The following TENM3 variants were observed in gnomAD, a reference collection of about 807,000 sequenced individuals.
TENM3 encodes teneurin-3.
In TENM3, 63 loss-of-function variants were observed where a neutral mutation model predicts 255.1. The ratio of observed to expected loss-of-function variants is 0.25; its 90% CI spans 0.20 to 0.30. TENM3 has a LOEUF of 0.30. TENM3 is among the 10% of genes least tolerant of loss of function. The probability of loss-of-function intolerance (pLI) is 1.00; values close to 1 mark genes in which losing one functional copy is unlikely to be tolerated. For missense variants in TENM3, 2,929 were observed against 3,461.1 expected (o/e 0.85, Z 3.86); for synonymous variants, 1,306 against 1,322.3 (o/e 0.99, Z 0.27).
chr4:181,577,209 A>ATTATATATTATATATATTATATATATATT, the TENM3 span, among the ~76,000 whole-genome samples: 2 of 129,324 alleles, frequency 1.5e-5, no homozygotes, highest in African/African-American at 5.9e-5. Context: ...ATATATATAT[A>ATTATATATTATATATATTATATATATATT]TTTTTTTTTT....
chr4:181,884,713 A>G, the TENM3 span, among the ~76,000 whole-genome samples: 1 of 152,180 alleles, frequency 6.6e-6, no homozygotes, highest in East Asian at 1.9e-4. Flanking sequence ...CAGTCTTTAG[A>G]TTTTTTTCCC....
the TENM3 span, among the ~76,000 whole-genome samples, chr4:181,897,506 A>T: frequency 6.6e-6 from 1 of 152,326 alleles, no homozygotes; most frequent in Non-Finnish European, 1.5e-5. Context: ...TCCATTTTTA[A>T]ACTTGGCATT....
the TENM3 span, among the ~76,000 whole-genome samples, chr4:181,512,982 A>G: frequency 1.3e-5 from 2 of 152,204 alleles, no homozygotes; most frequent in Non-Finnish European, 2.9e-5. Flanking sequence ...AGCAAAATGT[A>G]AGGAAACAAA....
rs1309214526 is a variant in TENM3 at position 182,512,929 on chromosome 4, TAAG to T, written c.512-87991_512-87989del. Among the ~76,000 whole-genome samples the T allele has an allele frequency of 3.3e-5, 5 of 152,208 alleles. No homozygotes were observed. The East Asian group carries it at 5.8e-4, about 18-fold the overall frequency. On this transcript the variant is annotated intron_variant, in intron 3 of 27. Transcript: ENST00000511685. ...TCTATACTGGTACTGTTTTAGCACA[TAAG>T]AAGTGTCAGTAAATATTGAATGAAT...
the TENM3 span, among the ~76,000 whole-genome samples, chr4:181,590,228 G>A: frequency 5.3e-5 from 8 of 152,152 alleles, no homozygotes; most frequent in African/African-American, 1.9e-4. Context: ...ACCACTCCAT[G>A]ACCTCATCAA....
chr4:182,174,485 C>G (rs1348481631), intron 1 of TENM3, among the ~76,000 whole-genome samples: 2 of 131,896 alleles, frequency 1.5e-5, no homozygotes, highest in African/African-American at 5.7e-5. Context: ...CTAAGGAAAG[C>G]TTCCTTAGCT....
chr4:182,250,072 A>G (rs1175511974), intron 1 of TENM3, among the ~76,000 whole-genome samples: 8 of 103,190 alleles, frequency 7.8e-5, no homozygotes, highest in East Asian at 2.5e-4. Context: ...TTTTTTTTTG[A>G]GACGGAGTCT....
the TENM3 span, among the ~76,000 whole-genome samples, chr4:181,464,780 G>A: frequency 4.6e-5 from 7 of 151,866 alleles, no homozygotes; most frequent in East Asian, 1.9e-4. Flanking sequence ...GTGAAGCCCC[G>A]TCTCTACAAA....
At chr4:182,550,171 A>T (rs1000555951) in intron 3 of TENM3, among the ~76,000 whole-genome samples, 2 of 152,244 alleles carry the variant, frequency 1.3e-5, no homozygotes, top group Admixed American at 6.5e-5. Flanking sequence ...AAATGTTAAC[A>T]TGGGTTTGAG....
chr4:181,703,401 GAAGT>G, the TENM3 span, among the ~76,000 whole-genome samples: 1 of 152,196 alleles, frequency 6.6e-6, no homozygotes, highest in East Asian at 1.9e-4. Flanking sequence ...TAACATACGT[GAAGT>G]AAGATTGCAT....
At chr4:182,250,546 C>G (rs1757948565) in intron 1 of TENM3, among the ~76,000 whole-genome samples, 1 of 152,180 alleles carries the variant, frequency 6.6e-6, no homozygotes, top group African/African-American at 2.4e-5. Flanking sequence ...CCCCAGATTT[C>G]CCACTTCAGT....
the TENM3 span, among the ~76,000 whole-genome samples, chr4:181,523,649 C>A: frequency 6.6e-6 from 1 of 152,146 alleles, no homozygotes; most frequent in Non-Finnish European, 1.5e-5. Context: ...CCAAATGTCC[C>A]TGGCCCTCCC....
chr4:181,888,579 C>CAT, the TENM3 span, among the ~76,000 whole-genome samples: 60 of 28,256 alleles, frequency 2.1e-3, no homozygotes, highest in African/African-American at 8.2e-3. Context: ...TATATATATA[C>CAT]ATATATATAT....
the TENM3 span, among the ~76,000 whole-genome samples, chr4:182,081,001 A>T: frequency 2.7e-4 from 41 of 152,004 alleles, no homozygotes; most frequent in Non-Finnish European, 5.4e-4. Flanking sequence ...AAAAAAAAAC[A>T]AAGACGACTA....
chr4:182,491,026 CAAATCAAGAACTTT>C (rs1735248595), intron 3 of TENM3, among the ~76,000 whole-genome samples: 1 of 152,152 alleles, frequency 6.6e-6, no homozygotes, highest in Non-Finnish European at 1.5e-5. Flanking sequence ...AACACTGTAG[CAAATCAAGAACTTT>C]AAATTATTTT....
At chr4:182,338,095 G>A (rs1464651199) in intron 2 of TENM3, among the ~76,000 whole-genome samples, 2 of 152,082 alleles carry the variant, frequency 1.3e-5, no homozygotes, top group Non-Finnish European at 2.9e-5. Flanking sequence ...CACTGCCTAT[G>A]AAATTTACCT....
At chr4:182,422,421 A>G (rs1235245811) in intron 3 of TENM3, among the ~76,000 whole-genome samples, 1 of 152,172 alleles carries the variant, frequency 6.6e-6, no homozygotes, top group Non-Finnish European at 1.5e-5. Context: ...GCTTTGAGTA[A>G]CCTCGCAACC....
chr4:181,987,051 AT>A, the TENM3 span, among the ~76,000 whole-genome samples: 1 of 152,076 alleles, frequency 6.6e-6, no homozygotes, highest in Non-Finnish European at 1.5e-5. Context: ...TCTCAACAGA[AT>A]TTCAAAACCA....
chr4:182,479,177 A>G (rs538076244), intron 3 of TENM3, among the ~76,000 whole-genome samples: 2 of 152,024 alleles, frequency 1.3e-5, no homozygotes, highest in Non-Finnish European at 2.9e-5. Flanking sequence ...ACAGTCTTTT[A>G]GCTTGGCAAG....
Sources: allele counts gnomAD v4.1 joint callset (sites outside exome capture counted in the v4.1 genomes callset), GRCh38; gene constraint gnomAD v4.1.1; transcripts MANE v1.5; gene names NCBI Gene and HGNC (gene_info 2026-07-23, HGNC 2026-07-21).